ASIP: variants seen among roughly 807,000 people sequenced by gnomAD.
The protein encoded by ASIP is agouti signaling protein.
ASIP carries 11 observed loss-of-function variants against 10.3 expected under a neutral mutation model. The ratio of observed to expected loss-of-function variants is 1.07; its 90% CI spans 0.68 to 1.78. The LOEUF (loss-of-function observed/expected upper bound fraction) is 1.78, where lower values mean the gene tolerates loss of function less well. Ranked by LOEUF, ASIP falls within the 40% of genes most tolerant of loss-of-function variation. The probability of loss-of-function intolerance (pLI) is 0.00; values close to 1 mark genes in which losing one functional copy is unlikely to be tolerated. For synonymous variants in ASIP, 70 were observed against 70.8 expected (o/e 0.99, Z 0.06); for missense variants, 180 against 169.2 (o/e 1.06, Z -0.35).
At chr20:34,236,036 A>C (rs1328951642) in intron 1 of ASIP, among the ~76,000 whole-genome samples, 2 of 142,558 alleles carry the variant, frequency 1.4e-5, no homozygotes, top group South Asian at 2.3e-4. Context: ...AAGAAAGAGA[A>C]AGAAACAGAA....
intron 1 of ASIP, among the ~76,000 whole-genome samples, chr20:34,200,152 C>A (rs1348618623): frequency 6.6e-6 from 1 of 152,162 alleles, no homozygotes; most frequent in African/African-American, 2.4e-5. Flanking sequence ...TGATTTTGGT[C>A]ATTCTTCAGA....
intron 1 of ASIP, among the ~76,000 whole-genome samples, chr20:34,218,514 G>T (rs2035024245): frequency 1.3e-5 from 2 of 152,116 alleles, no homozygotes; most frequent in Non-Finnish European, 2.9e-5. Context: ...CAGCATGCAG[G>T]TCTTATAGCT....
intron 1 of ASIP, among the ~76,000 whole-genome samples, chr20:34,248,469 G>C (rs1445065277): frequency 6.6e-6 from 1 of 152,158 alleles, no homozygotes; most frequent in Non-Finnish European, 1.5e-5. Flanking sequence ...TCTATTTTCA[G>C]AGGTCAGATT....
At chr20:34,267,687 A>G (rs1206048178) in intron 3 of ASIP, among the ~76,000 whole-genome samples, 1 of 151,898 alleles carries the variant, frequency 6.6e-6, no homozygotes, top group Admixed American at 6.6e-5. Flanking sequence ...ATGTGCCACC[A>G]TGCTGGGCTA....
the ASIP span, among the ~76,000 whole-genome samples, chr20:34,188,779 A>G: frequency 7.9e-5 from 12 of 152,170 alleles, no homozygotes. Context: ...AAATCCTGAC[A>G]TTGCTATTCA....
chr20:34,241,683 T>C (rs2035285847), intron 1 of ASIP, among the ~76,000 whole-genome samples, 194 bp downstream of exon 1: 1 of 152,252 alleles, frequency 6.6e-6, no homozygotes, highest in African/African-American at 2.4e-5. Context: ...AACTAGTGGC[T>C]TCTTTCTCTT....
At chr20:34,211,252 C>T (rs1403249121) in intron 1 of ASIP, among the ~76,000 whole-genome samples, 1 of 152,238 alleles carries the variant, frequency 6.6e-6, no homozygotes, top group East Asian at 1.9e-4. Context: ...CCAGGCTGAT[C>T]TCAAACTCCT....
intron 1 of ASIP, chr20:34,246,661 T>C (rs2035381031): frequency 2.0e-6 from 1 of 501,820 alleles, no homozygotes; most frequent in South Asian, 1.8e-5. Flanking sequence ...TTTCGCCATG[T>C]TGCCCAGGCT....
At position 34,213,703 on chromosome 20, in the gene ASIP, G is replaced by A. The variant is rs979477469; in HGVS notation, c.-11+18943G>A. On this transcript the variant is annotated intron_variant, in intron 1 of 3. Transcript: ENST00000568305. Reference sequence around the variant, plus strand: ...ATGTTCTGAAGCAGATGGGATGAACGGAAAAACTTCTTCCTCCAGGCAAAT... The same window carrying A: ...ATGTTCTGAAGCAGATGGGATGAACAGAAAAACTTCTTCCTCCAGGCAAAT... 2.4e-5 allele frequency: 36 copies of A among 1,525,824 alleles called. No homozygotes were observed. The African/African-American group carries it at 3.4e-4, about 15-fold the overall frequency. The allele number at this position is 1,525,824 out of a possible 1,614,324, so 94.5% of individuals were successfully genotyped here.
chr20:34,212,840 C>G (rs1405120808), intron 1 of ASIP, among the ~76,000 whole-genome samples: 1 of 152,156 alleles, frequency 6.6e-6, no homozygotes, highest in Admixed American at 6.5e-5. Flanking sequence ...AGGGGAAATA[C>G]TTTAAGAATG....
rs779418354 is a variant in ASIP at position 34,269,186 on chromosome 20, G to T, written c.*19G>T. 14 of 1,485,532 alleles carry T rather than the reference G, an allele frequency of 9.4e-6. No individual in the cohort carries two copies. The South Asian group carries it at 1.7e-4, about 18-fold the overall frequency. The allele number at this position is 1,485,532 out of a possible 1,614,324, so 92.0% of individuals were successfully genotyped here. A position where few individuals can be genotyped will look rare whatever the true frequency, so the allele number is the denominator to read the frequency against. ...CTGCTGAGCGCCCCCACTCCCGGCC[G>T]CGAGCAGGCAGGGCTTCGGGGACGC... On this transcript the variant is annotated 3_prime_UTR_variant, in exon 4 of 4. Coordinates refer to ENST00000374954, the MANE Select transcript of ASIP (RefSeq NM_001672.3).
intron 1 of ASIP, among the ~76,000 whole-genome samples, chr20:34,202,998 C>T (rs1483617754): frequency 2.0e-5 from 3 of 151,710 alleles, no homozygotes; most frequent in South Asian, 2.1e-4. Context: ...TTAGTAGCGA[C>T]GGGGTTTCAC....
chr20:34,264,789 ATTTTTTTTTTT>A (rs34382186), intron 3 of ASIP, among the ~76,000 whole-genome samples: 1 of 104,220 alleles, frequency 9.6e-6, no homozygotes, highest in Admixed American at 1.2e-4. Context: ...AGTTTACTTC[ATTTTTTTTTTT>A]TTTTTTTTTT....
At chr20:34,233,798 G>C (rs1039884066) in intron 1 of ASIP, among the ~76,000 whole-genome samples, 1 of 152,144 alleles carries the variant, frequency 6.6e-6, no homozygotes, top group African/African-American at 2.4e-5. Context: ...ACAATTGGCT[G>C]ATCAGACTAG....
At position 34,268,974 on chromosome 20, in the gene ASIP, CG is replaced by C; in HGVS notation, c.223-15del. On this transcript the variant is annotated splice_polypyrimidine_tract_variant and intron_variant, in intron 3 of 3. Coordinates refer to ENST00000374954, the MANE Select transcript of ASIP (RefSeq NM_001672.3). ...TGGGCGTGGCCGGCTCATAAAGCCC[CG>C]GCGTTTCCCACGCAGAAGGAGGCTT... 9 of 1,591,298 alleles carry C rather than the reference CG, an allele frequency of 5.7e-6. No individual in the cohort carries two copies. The highest frequency in any genetic ancestry group is 7.7e-6 in the Non-Finnish European group (9 of 1,169,346).
intron 1 of ASIP, among the ~76,000 whole-genome samples, chr20:34,253,261 A>G (rs2035509598): frequency 6.6e-6 from 1 of 151,066 alleles, no homozygotes; most frequent in Non-Finnish European, 1.5e-5. Context: ...GTCTGCCACC[A>G]CGCCCGCCTA....
At chr20:34,221,122 T>C (rs2035044382) in intron 1 of ASIP, among the ~76,000 whole-genome samples, 1 of 152,030 alleles carries the variant, frequency 6.6e-6, no homozygotes, top group Non-Finnish European at 1.5e-5. Flanking sequence ...CTCACGCCTG[T>C]AATCCCAGCT....
chr20:34,249,582 A>G (rs917843612), intron 1 of ASIP, among the ~76,000 whole-genome samples: 7 of 152,160 alleles, frequency 4.6e-5, no homozygotes, highest in Non-Finnish European at 8.8e-5. Flanking sequence ...TAAAGGGCCA[A>G]TGGCTTGGTT....
intron 1 of ASIP, among the ~76,000 whole-genome samples, chr20:34,250,753 A>G (rs551942712): frequency 1.3e-5 from 2 of 152,192 alleles, no homozygotes; most frequent in South Asian, 4.2e-4. Flanking sequence ...CTCTTCTTCC[A>G]TTCTCATCTC....
Sources: gnomAD v4.1 joint callset for allele counts (sites outside exome capture counted in the v4.1 genomes callset) on GRCh38, gnomAD v4.1.1 for gene constraint, MANE v1.5 for transcripts, NCBI Gene and HGNC (gene_info 2026-07-23, HGNC 2026-07-21) for gene names.